Variants in CSMD2 observed in about 807,000 individuals in gnomAD.
CSMD2 encodes the protein CUB and Sushi multiple domains 2.
In CSMD2, 130 loss-of-function variants were observed where a neutral mutation model predicts 398.5. The ratio of observed to expected loss-of-function variants is 0.33; its 90% CI spans 0.28 to 0.38. The LOEUF (loss-of-function observed/expected upper bound fraction) is 0.38. CSMD2 is among the 10% of genes least tolerant of loss of function. CSMD2 has a pLI of 1.00. For missense variants in CSMD2, 3,829 were observed against 4,764.9 expected (o/e 0.80, Z 5.78); for synonymous variants, 1,828 against 1,908.5 (o/e 0.96, Z 1.10).
chr1:33,895,367 CA>C (rs1228767755), intron 5 of CSMD2, among the ~76,000 whole-genome samples: 1 of 151,988 alleles, frequency 6.6e-6, no homozygotes, highest in African/African-American at 2.4e-5. Context: ...GTTTGTGGGT[CA>C]GGGGTGAAAG....
upstream of CSMD2, chr1:34,165,720 A>T (rs1557465147): frequency 6.2e-7 from 1 of 1,611,204 alleles, no homozygotes; most frequent in African/African-American, 1.3e-5. Flanking sequence ...CCAAAGAAGG[A>T]CGCGTTCCCC....
chr1:34,021,536 T>C (rs1284669486), intron 3 of CSMD2, among the ~76,000 whole-genome samples: 1 of 152,196 alleles, frequency 6.6e-6, no homozygotes, highest in Non-Finnish European at 1.5e-5. Context: ...CTAGCCATGT[T>C]TGGGGGTCTC....
At chr1:33,523,550 T>A (rs1353820946) in intron 66 of CSMD2, 131 bp from the exon 67 acceptor site, 1 of 606,410 alleles carries the variant, frequency 1.6e-6, no homozygotes, top group Non-Finnish European at 3.0e-6. Context: ...ATTCTCCACA[T>A]CCCTTTAAGT....
chr1:33,848,411 T>C lies in CSMD2; in HGVS notation c.921-1415A>G, dbSNP rs146202728. ...GAACTCACTCTCTTCCTTCCCCTCC[T>C]CCAGTCTCCCACTGATTCTCCTGTT... On this transcript the variant is annotated intron_variant, in intron 5 of 70. Transcript: ENST00000373381. Among the ~76,000 whole-genome samples the C allele has an allele frequency of 5.2e-4, 79 of 152,256 alleles. No homozygotes were observed. In the East Asian group the frequency reaches 0.014, roughly 28 times the overall value.
intron 5 of CSMD2, chr1:33,873,429 AG>A (rs1399732478): frequency 6.6e-6 from 1 of 152,218 alleles, no homozygotes; most frequent in Non-Finnish European, 1.5e-5. Flanking sequence ...TTGCTTCTAA[AG>A]AATAGAATAC....
intron 33 of CSMD2, among the ~76,000 whole-genome samples, chr1:33,625,910 A>G (rs375102228): frequency 6.6e-6 from 1 of 152,146 alleles, no homozygotes; most frequent in Non-Finnish European, 1.5e-5. Context: ...CTGGGCCAAT[A>G]AGGAAGGGAA....
At chr1:33,763,913 T>A in intron 13 of CSMD2, among the ~76,000 whole-genome samples, 1 of 152,284 alleles carries the variant, frequency 6.6e-6, no homozygotes, top group African/African-American at 2.4e-5. Context: ...TCAATATGTA[T>A]GCCCCAGTCC....
chr1:33,572,056 T>C (rs1299936134), intron 50 of CSMD2, among the ~76,000 whole-genome samples: 1 of 152,234 alleles, frequency 6.6e-6, no homozygotes, highest in Non-Finnish European at 1.5e-5. Context: ...AATTTCTTGA[T>C]TTTAAAAGAT....
At chr1:33,999,687 C>G (rs778681056) in intron 3 of CSMD2, among the ~76,000 whole-genome samples, 9 of 152,112 alleles carry the variant, frequency 5.9e-5, no homozygotes, top group Non-Finnish European at 1.0e-4. Flanking sequence ...AGCTGCCATG[C>G]CTAACCAGAA....
intron 47 of CSMD2, among the ~76,000 whole-genome samples, 158 bp downstream of exon 47, chr1:33,583,484 C>T (rs186862617): frequency 3.2e-4 from 49 of 152,332 alleles, no homozygotes; most frequent in African/African-American, 1.2e-3. Flanking sequence ...CATGCCACCC[C>T]TCAGGTCCCA....
chr1:34,010,609 T>TTTTTTTTTC (rs1014657120), intron 3 of CSMD2, among the ~76,000 whole-genome samples: 1 of 151,172 alleles, frequency 6.6e-6, no homozygotes, highest in African/African-American at 2.4e-5. Context: ...CTCTCTTGAT[T>TTTTTTTTTC]TTTTTTTTCT....
intron 33 of CSMD2, among the ~76,000 whole-genome samples, chr1:33,625,723 C>T (rs143252733): frequency 7.9e-5 from 12 of 152,240 alleles, no homozygotes; most frequent in Non-Finnish European, 1.5e-4. Flanking sequence ...CTGATGGGCC[C>T]GGGATGGCCT....
intron 25 of CSMD2, among the ~76,000 whole-genome samples, chr1:33,665,542 A>C (rs1644283130): frequency 7.5e-6 from 1 of 133,168 alleles, no homozygotes; most frequent in African/African-American, 2.9e-5. Context: ...ATCGTAACTC[A>C]CTACAACCTC....
chr1:34,053,674 G>A (rs924805733), intron 2 of CSMD2, among the ~76,000 whole-genome samples: 6 of 152,112 alleles, frequency 3.9e-5, no homozygotes, highest in African/African-American at 7.2e-5. Flanking sequence ...GGCATCCTCC[G>A]GCAAATCTTT....
At chr1:33,705,295 T>C (rs1258734711) in intron 22 of CSMD2, among the ~76,000 whole-genome samples, 1 of 151,380 alleles carries the variant, frequency 6.6e-6, no homozygotes, top group African/African-American at 2.4e-5. Context: ...AAATGTATGA[T>C]ACATTATTAT....
intron 13 of CSMD2, 106 bp from the exon 14 acceptor site, chr1:33,743,712 GAA>G: frequency 1.2e-6 from 1 of 823,482 alleles, no homozygotes; most frequent in Non-Finnish European, 1.9e-6. Context: ...GCAACAGAAA[GAA>G]AGAGTGGCAC....
chr1:34,154,797 G>A (rs891710009), intron 1 of CSMD2, among the ~76,000 whole-genome samples: 2 of 146,976 alleles, frequency 1.4e-5, no homozygotes, highest in Non-Finnish European at 3.0e-5. Flanking sequence ...ATGCAATCTC[G>A]GCTCACTGCA....
rs549552637 is a variant in CSMD2 at position 33,781,885 on chromosome 1, C to T, written c.1663+6715G>A. Among the ~76,000 whole-genome samples, 9 of 149,212 alleles carry T rather than the reference C, an allele frequency of 6.0e-5. 1 individual carries two copies. The South Asian group carries it at 1.6e-3, about 26-fold the overall frequency. ...GCTCAGATATTGACAGATCAGGAGT[C>T]CCCTCCCCCGCCCCCTGACCTGGGA... On this transcript the variant is annotated intron_variant, in intron 12 of 70. Transcript: ENST00000373381.
At chr1:34,120,240 T>C (rs1370859491) in intron 1 of CSMD2, among the ~76,000 whole-genome samples, 1 of 152,228 alleles carries the variant, frequency 6.6e-6, no homozygotes, top group Non-Finnish European at 1.5e-5. Context: ...TTATATGAGA[T>C]ATTTAAAATA....
Sources: gnomAD v4.1 joint callset for allele counts (sites outside exome capture counted in the v4.1 genomes callset) on GRCh38, gnomAD v4.1.1 for gene constraint, MANE v1.5 for transcripts, NCBI Gene and HGNC (gene_info 2026-07-23, HGNC 2026-07-21) for gene names.